Variants in EIF4G3 observed in about 807,000 individuals in gnomAD.
EIF4G3 encodes the protein eIF-4-gamma 3.
Under a neutral mutation model 186.4 loss-of-function variants are expected in EIF4G3, and 34 were observed. The observed-to-expected ratio is 0.18, with a 90% confidence interval of 0.14 to 0.24. The LOEUF (loss-of-function observed/expected upper bound fraction) is 0.24, where lower values mean the gene tolerates loss of function less well. EIF4G3 is among the 10% of genes least tolerant of loss of function. The probability of loss-of-function intolerance (pLI) is 1.00; values close to 1 mark genes in which losing one functional copy is unlikely to be tolerated. For missense variants in EIF4G3, 1,536 were observed against 1,948.5 expected (o/e 0.79, Z 3.99); for synonymous variants, 673 against 679.5 (o/e 0.99, Z 0.15).
At chr1:20,927,826 C>T (rs780406289) in intron 14 of EIF4G3, among the ~76,000 whole-genome samples, 18 of 152,148 alleles carry the variant, frequency 1.2e-4, no homozygotes, top group African/African-American at 2.9e-4. Flanking sequence ...TCTGTGACAT[C>T]GAGCAATGCC....
intron 29 of EIF4G3, among the ~76,000 whole-genome samples, chr1:20,845,396 C>T (rs2070520016): frequency 6.6e-6 from 1 of 152,176 alleles, no homozygotes; most frequent in African/African-American, 2.4e-5. Flanking sequence ...GGCGCGGTGG[C>T]TCACGCCTGT....
At chr1:21,165,060 C>G (rs776262034) in intron 2 of EIF4G3, among the ~76,000 whole-genome samples, 5 of 152,058 alleles carry the variant, frequency 3.3e-5, no homozygotes, top group Non-Finnish European at 5.9e-5. Flanking sequence ...CAAACATGGC[C>G]AAATACACAC....
chr1:20,856,333 T>C (rs1303689468), intron 25 of EIF4G3, among the ~76,000 whole-genome samples: 1 of 152,238 alleles, frequency 6.6e-6, no homozygotes, highest in Non-Finnish European at 1.5e-5. Flanking sequence ...TCATGTAGTA[T>C]TTTCACATTA....
At chr1:20,977,592 G>A (rs1395501829) in intron 10 of EIF4G3, among the ~76,000 whole-genome samples, 1 of 152,100 alleles carries the variant, frequency 6.6e-6, no homozygotes, top group Non-Finnish European at 1.5e-5. Flanking sequence ...TTTTAATCTA[G>A]ATGATTAACT....
chr1:20,989,557 C>CAA (rs71014142), intron 7 of EIF4G3, among the ~76,000 whole-genome samples: 6 of 34,700 alleles, frequency 1.7e-4, no homozygotes, highest in African/African-American at 4.4e-4. Context: ...AACTCCAACT[C>CAA]AAAAAAAAAA....
At chr1:21,092,624 A>G (rs553030269) in intron 2 of EIF4G3, among the ~76,000 whole-genome samples, 26 of 152,304 alleles carry the variant, frequency 1.7e-4, no homozygotes, top group African/African-American at 6.3e-4. Flanking sequence ...GGAACCAAAA[A>G]AGGGCCCGCA....
At chr1:20,930,488 A>G (rs927538405) in intron 14 of EIF4G3, among the ~76,000 whole-genome samples, 1 of 152,176 alleles carries the variant, frequency 6.6e-6, no homozygotes, top group African/African-American at 2.4e-5. Flanking sequence ...TTGCTTACCC[A>G]TGAAGAAGCA....
chr1:20,946,615 G>T (rs765874810), intron 13 of EIF4G3, among the ~76,000 whole-genome samples: 1 of 152,102 alleles, frequency 6.6e-6, no homozygotes, highest in African/African-American at 2.4e-5. Context: ...TATGTGCCAG[G>T]AACTGGGTCA....
intron 2 of EIF4G3, among the ~76,000 whole-genome samples, chr1:21,166,898 T>C (rs992451137): frequency 2.6e-5 from 4 of 151,922 alleles, no homozygotes; most frequent in Non-Finnish European, 5.9e-5. Context: ...CCTCCCACCT[T>C]AGCCTCCCAA....
intron 14 of EIF4G3, among the ~76,000 whole-genome samples, chr1:20,917,015 T>G (rs2093952022): frequency 6.6e-6 from 1 of 152,212 alleles, no homozygotes; most frequent in African/African-American, 2.4e-5. Flanking sequence ...AATGACAGCT[T>G]ATGTCCATAC....
intron 10 of EIF4G3, among the ~76,000 whole-genome samples, chr1:20,974,096 A>G (rs1365372255): frequency 6.6e-6 from 1 of 152,200 alleles, no homozygotes; most frequent in South Asian, 2.1e-4. Flanking sequence ...TTTGGGGCAG[A>G]AAAATCAAGA....
At chr1:20,912,221 G>A (rs1023325792) in intron 14 of EIF4G3, among the ~76,000 whole-genome samples, 2 of 152,238 alleles carry the variant, frequency 1.3e-5, no homozygotes, top group African/African-American at 4.8e-5. Flanking sequence ...AGGCTGCAGT[G>A]AGCTGTGATC....
chr1:21,079,506 GAA>G (rs35855765), intron 3 of EIF4G3, among the ~76,000 whole-genome samples: 3 of 100,634 alleles, frequency 3.0e-5, no homozygotes, highest in Admixed American at 1.1e-4. Context: ...TGTCTCTACA[GAA>G]AAAAAAAAAA....
At chr1:21,000,391 C>T (rs1417202820) in intron 6 of EIF4G3, among the ~76,000 whole-genome samples, 2 of 152,004 alleles carry the variant, frequency 1.3e-5, no homozygotes, top group Non-Finnish European at 1.5e-5. Flanking sequence ...TGCCAATGGC[C>T]TATTAATGCA....
rs2058251856 is a variant in EIF4G3, at chr1:20,807,385, A to G, written c.4860T>C (p.Ala1620=). Residue 1620 remains alanine (A), a synonymous_variant, in exon 37 of 37, where the codon GCT becomes GCC. Transcript: ENST00000602326. ...TGAAGAATGCCGTGACAGATTTCAG[A>G]GCCACGCCCTTCCCATTCTGCTCTG... ...DPAEQNGKGV[A]LKSVTAFFTW... 6.2e-7 allele frequency: 1 copy of G among 1,611,014 alleles called. No individual in the cohort carries two copies. Among genetic ancestry groups the G allele is most frequent in the South Asian group, 1.1e-5 (1 of 90,636 alleles).
intron 7 of EIF4G3, among the ~76,000 whole-genome samples, chr1:20,986,382 G>A (rs1240456531): frequency 6.6e-6 from 1 of 152,100 alleles, no homozygotes; most frequent in East Asian, 1.9e-4. Flanking sequence ...TAAATAAGCT[G>A]TGTTCTTCAC....
intron 3 of EIF4G3, among the ~76,000 whole-genome samples, chr1:21,069,831 A>G (rs2095389276): frequency 6.6e-6 from 1 of 152,194 alleles, no homozygotes; most frequent in Admixed American, 6.5e-5. Flanking sequence ...GATGACACTG[A>G]CTGTGAGGTT....
intron 3 of EIF4G3, among the ~76,000 whole-genome samples, chr1:21,053,516 G>A (rs1188346027): frequency 9.3e-4 from 121 of 130,796 alleles, no homozygotes; most frequent in Middle Eastern, 9.8e-3. Flanking sequence ...CCCTCTGCCC[G>A]GCCAGCCGCC....
chr1:20,896,506 GTTT>G lies in EIF4G3; in HGVS notation c.2000-1008_2000-1006del, dbSNP rs543865771. ...ATATTTTTGCATAGCTATACAGTGT[GTTT>G]TAAGCTAAATATTATTATAAAAGTC... is the stretch of plus-strand genomic sequence containing the variant. On this transcript the variant is annotated intron_variant, in intron 16 of 36. Transcript: ENST00000602326. Among the ~76,000 whole-genome samples, 160 of 151,164 alleles carry G rather than the reference GTTT, an allele frequency of 1.1e-3. 1 individual carries two copies. The highest frequency in any genetic ancestry group is 3.5e-3 in the African/African-American group (143 of 41,316).
Sources: gnomAD v4.1 joint callset for allele counts (sites outside exome capture counted in the v4.1 genomes callset) on GRCh38, gnomAD v4.1.1 for gene constraint, MANE v1.5 for transcripts, NCBI Gene and HGNC (gene_info 2026-07-23, HGNC 2026-07-21) for gene names.